Variants in RPS6KC1 observed in about 807,000 individuals in gnomAD.
The protein encoded by RPS6KC1 is inactive ribosomal protein S6 kinase delta-1.
Under a neutral mutation model 103.8 loss-of-function variants are expected in RPS6KC1, and 54 were observed. That is an observed-to-expected ratio of 0.52 (90% CI 0.42 to 0.65). RPS6KC1 has a LOEUF of 0.65. Ranked by LOEUF, RPS6KC1 falls within the 30% of genes least tolerant of loss-of-function variation. RPS6KC1 has a pLI of 0.00. For synonymous variants in RPS6KC1, 439 were observed against 438.7 expected, an observed-to-expected ratio of 1.00 and a Z score of -0.01; for missense variants, 1,151 against 1,253.8, an observed-to-expected ratio of 0.92 and a Z score of 1.24.
At chr1:213,310,479 T>C in the RPS6KC1 span, among the ~76,000 whole-genome samples, 4 of 152,208 alleles carry the variant, frequency 2.6e-5, no homozygotes, top group Admixed American at 2.0e-4. Context: ...CTTCCCTAGA[T>C]AGCTCCCTTC....
chr1:213,223,791 T>A (rs1396381627), intron 8 of RPS6KC1, among the ~76,000 whole-genome samples: 1 of 152,208 alleles, frequency 6.6e-6, no homozygotes, highest in African/African-American at 2.4e-5. Flanking sequence ...TCCATATTGT[T>A]TTCCATAGTG....
At chr1:213,713,855 T>C in the RPS6KC1 span, among the ~76,000 whole-genome samples, 4 of 152,250 alleles carry the variant, frequency 2.6e-5, no homozygotes, top group Non-Finnish European at 5.9e-5. Context: ...CATTTCAGCA[T>C]GCACTCCTTA....
the RPS6KC1 span, among the ~76,000 whole-genome samples, chr1:213,539,389 A>G: frequency 7.8e-4 from 119 of 152,332 alleles, 1 homozygote; most frequent in Non-Finnish European, 2.4e-4. Flanking sequence ...GGTTGGTGCT[A>G]TTGCTGCACT....
chr1:213,812,253 A>G, the RPS6KC1 span, among the ~76,000 whole-genome samples: 1 of 152,104 alleles, frequency 6.6e-6, no homozygotes, highest in South Asian at 2.1e-4. Context: ...AGGAAGGAAG[A>G]AAGACAGGCT....
At chr1:213,076,956 G>A (rs141691504) in intron 2 of RPS6KC1, among the ~76,000 whole-genome samples, 3,009 of 151,276 alleles carry the variant, frequency 0.02, 48 homozygotes, top group Middle Eastern at 0.052. Flanking sequence ...TGCAACCTCT[G>A]TCTCCTGGGT....
rs551565997 is a variant in RPS6KC1 at position 213,130,915 on chromosome 1, A to G, written c.835+1026A>G. Among the ~76,000 whole-genome samples, 5 of 144,152 alleles carry G rather than the reference A, an allele frequency of 3.5e-5. 1 individual carries two copies. In the South Asian group the frequency reaches 6.5e-4, roughly 19 times the overall value. 94.6% of individuals were successfully genotyped at this position (144,152 alleles called of 152,430 possible). A position where few individuals can be genotyped will look rare whatever the true frequency, so the allele number is the denominator to read the frequency against. ...CCTTTTAGTAACTTCTCATCCATCT[A>G]CCTTTTTTTTTTTAAATTATATTCC... On this transcript the variant is annotated intron_variant, in intron 6 of 14. Coordinates refer to ENST00000366960, the MANE Select transcript of RPS6KC1 (RefSeq NM_012424.6).
the RPS6KC1 span, among the ~76,000 whole-genome samples, chr1:213,440,825 C>T: frequency 3.3e-5 from 5 of 152,162 alleles, no homozygotes; most frequent in Non-Finnish European, 7.3e-5. Context: ...TGCCCCTGTG[C>T]TGAGGGCTTC....
chr1:213,690,928 A>G, the RPS6KC1 span, among the ~76,000 whole-genome samples: 1 of 152,078 alleles, frequency 6.6e-6, no homozygotes, highest in Admixed American at 6.6e-5. Context: ...TGTCTTCTTT[A>G]TTACCCTGCT....
the RPS6KC1 span, among the ~76,000 whole-genome samples, chr1:213,593,254 A>G: frequency 2.7e-5 from 4 of 150,930 alleles, no homozygotes; most frequent in Non-Finnish European, 5.9e-5. Flanking sequence ...AAAAAAAACA[A>G]CAGTAGGTTT....
chr1:213,144,250 T>C (rs1193751271), intron 6 of RPS6KC1, among the ~76,000 whole-genome samples: 2 of 152,094 alleles, frequency 1.3e-5, no homozygotes, highest in Non-Finnish European at 2.9e-5. Context: ...AAGCATATTG[T>C]TTAATTTTCT....
At chr1:213,698,598 A>G in the RPS6KC1 span, among the ~76,000 whole-genome samples, 1 of 152,272 alleles carries the variant, frequency 6.6e-6, no homozygotes, top group Middle Eastern at 3.4e-3. Flanking sequence ...AGAATGACTC[A>G]GTGTTGACTG....
At chr1:213,382,587 T>G in the RPS6KC1 span, among the ~76,000 whole-genome samples, 1 of 150,182 alleles carries the variant, frequency 6.7e-6, no homozygotes, top group African/African-American at 2.4e-5. Flanking sequence ...AGGCGTGGCC[T>G]GGGTGGTATA....
At chr1:213,412,967 A>G in the RPS6KC1 span, among the ~76,000 whole-genome samples, 5 of 152,226 alleles carry the variant, frequency 3.3e-5, no homozygotes, top group African/African-American at 4.8e-5. Flanking sequence ...ACTTGGGTCT[A>G]TAATCTTTTC....
the RPS6KC1 span, among the ~76,000 whole-genome samples, chr1:213,837,458 T>C: frequency 7.2e-5 from 11 of 152,224 alleles, no homozygotes; most frequent in African/African-American, 2.2e-4. Context: ...TAATAATTTC[T>C]TTTTGTTCTG....
chr1:213,374,621 A>G, the RPS6KC1 span, among the ~76,000 whole-genome samples: 2 of 152,362 alleles, frequency 1.3e-5, no homozygotes, highest in Admixed American at 1.3e-4. Context: ...CAAAATGGCA[A>G]TGACTTTGAG....
chr1:213,119,157 T>C (rs911048485), intron 5 of RPS6KC1, among the ~76,000 whole-genome samples: 2 of 151,836 alleles, frequency 1.3e-5, no homozygotes, highest in African/African-American at 4.8e-5. Context: ...GAAATATTTG[T>C]AGGAGAGGCT....
At chr1:213,853,606 T>C in the RPS6KC1 span, among the ~76,000 whole-genome samples, 2 of 152,264 alleles carry the variant, frequency 1.3e-5, no homozygotes, top group African/African-American at 4.8e-5. Flanking sequence ...TTTGTTTCAA[T>C]GATGCCTATG....
chr1:213,402,221 A>G, the RPS6KC1 span, among the ~76,000 whole-genome samples: 2 of 152,186 alleles, frequency 1.3e-5, no homozygotes, highest in Admixed American at 1.3e-4. Context: ...TTTAGCAAAC[A>G]TGGTGCCAGG....
the RPS6KC1 span, among the ~76,000 whole-genome samples, chr1:213,344,091 C>T: frequency 6.6e-6 from 1 of 151,982 alleles, no homozygotes; most frequent in Admixed American, 6.6e-5. Context: ...AACAAACAAA[C>T]AAAACCTTCA....
Sources: allele counts gnomAD v4.1 joint callset (sites outside exome capture counted in the v4.1 genomes callset), GRCh38; gene constraint gnomAD v4.1.1; transcripts MANE v1.5; gene names NCBI Gene and HGNC (gene_info 2026-07-23, HGNC 2026-07-21).